ZMPSTE24: variants seen among roughly 807,000 people sequenced by gnomAD.
ZMPSTE24 encodes the protein CAAX prenyl protease 1 homolog.
In ZMPSTE24, 48 loss-of-function variants were observed where a neutral mutation model predicts 56.7. That is an observed-to-expected ratio of 0.85 (90% confidence interval 0.67 to 1.08). The LOEUF (loss-of-function observed/expected upper bound fraction) is 1.08. ZMPSTE24 is among the 50% of genes least tolerant of loss of function. The pLI is 0.00. For synonymous variants in ZMPSTE24, 172 were observed against 195.2 expected, an observed-to-expected ratio of 0.88 and a Z score of 0.99; for missense variants, 503 against 548.7, an observed-to-expected ratio of 0.92 and a Z score of 0.83.
At chr1:40,277,667 T>C (rs781575341) in intron 6 of ZMPSTE24, among the ~76,000 whole-genome samples, 4 of 152,096 alleles carry the variant, frequency 2.6e-5, no homozygotes, top group Non-Finnish European at 2.9e-5. Context: ...TTTAAATTAA[T>C]TAAAAAATTT....
chr1:40,284,029 G>A (rs535996213), intron 7 of ZMPSTE24, among the ~76,000 whole-genome samples: 23 of 148,276 alleles, frequency 1.6e-4, no homozygotes, highest in Admixed American at 2.0e-4. Flanking sequence ...ACCTCCTCCC[G>A]GGTTCAAGCA....
intron 2 of ZMPSTE24, among the ~76,000 whole-genome samples, chr1:40,261,202 G>T (rs1190310781): frequency 6.6e-6 from 1 of 152,140 alleles, no homozygotes; most frequent in Non-Finnish European, 1.5e-5. Context: ...AGCCAGGTAG[G>T]AAAAAGATCC....
chr1:40,268,304 T>C (rs1270374616), intron 3 of ZMPSTE24, 115 bp from the exon 4 acceptor site: 1 of 778,600 alleles, frequency 1.3e-6, no homozygotes, highest in Admixed American at 1.8e-5. Context: ...CCTTATGTTA[T>C]CCATAGAATC....
In ZMPSTE24 at chr1:40,292,881, G is replaced by T. The variant is rs1057515560; in HGVS notation, c.*212G>T. The T allele has an allele frequency of 2.1e-6, 1 of 470,128 alleles. No individual in the cohort carries two copies. Among genetic ancestry groups the T allele is most frequent in the Non-Finnish European group, 3.8e-6 (1 of 263,500 alleles). The allele number at this position is 470,128 out of a possible 1,614,324, so 29.1% of individuals were successfully genotyped here. A position where few individuals can be genotyped will look rare whatever the true frequency, so the allele number is the denominator to read the frequency against. ...ATTTTGAAGCTTAATGTTTTTAAAG[G>T]CATAGTTTTATCTTTGACATCTAAT... On this transcript the variant is annotated 3_prime_UTR_variant, in exon 10 of 10. Transcript: ENST00000372759.
At chr1:40,260,250 G>A (rs908488691) in intron 1 of ZMPSTE24, among the ~76,000 whole-genome samples, 1 of 151,514 alleles carries the variant, frequency 6.6e-6, no homozygotes, top group Non-Finnish European at 1.5e-5. Flanking sequence ...TTGTAGAGAC[G>A]GGATTTCACC....
chr1:40,281,198 G>A (rs1643725221), intron 6 of ZMPSTE24, 145 bp from the exon 7 acceptor site: 1 of 822,728 alleles, frequency 1.2e-6, no homozygotes, highest in South Asian at 1.6e-5. Flanking sequence ...TGCTGGTGGT[G>A]AATTATGTTG....
At chr1:40,265,740 T>C (rs140990228) in intron 2 of ZMPSTE24, among the ~76,000 whole-genome samples, 38 of 152,298 alleles carry the variant, frequency 2.5e-4, no homozygotes, top group Non-Finnish European at 4.7e-4. Flanking sequence ...TTTCAAACTT[T>C]AGTGTACATC....
At chr1:40,262,431 T>A (rs1643506235) in intron 2 of ZMPSTE24, among the ~76,000 whole-genome samples, 1 of 152,196 alleles carries the variant, frequency 6.6e-6, no homozygotes, top group Non-Finnish European at 1.5e-5. Context: ...TTAGTTAATT[T>A]ATCTGAGCAT....
At chr1:40,284,609 G>A (rs1469936209) in intron 7 of ZMPSTE24, among the ~76,000 whole-genome samples, 6 of 151,484 alleles carry the variant, frequency 4.0e-5, no homozygotes, top group Non-Finnish European at 7.4e-5. Context: ...AAAATTAGCC[G>A]GGTGTGGTGG....
At chr1:40,282,803 A>G (rs1243784799) in intron 7 of ZMPSTE24, among the ~76,000 whole-genome samples, 1 of 152,162 alleles carries the variant, frequency 6.6e-6, no homozygotes, top group African/African-American at 2.4e-5. Context: ...ACTAGGGGCC[A>G]TTTCCCCTAC....
At chr1:40,261,090 C>T in intron 2 of ZMPSTE24, 105 bp downstream of exon 2, 3 of 1,414,636 alleles carry the variant, frequency 2.1e-6, no homozygotes, top group Non-Finnish European at 3.0e-6. Flanking sequence ...AGAATGCTTT[C>T]TTAACCTTTG....
chr1:40,271,985 T>A lies in ZMPSTE24; in HGVS notation c.719T>A (p.Val240Glu). 6.2e-7 allele frequency: 1 copy of A among 1,613,356 alleles called. No individual in the cohort carries two copies. Among genetic ancestry groups the A allele is most frequent in the Non-Finnish European group, 8.5e-7 (1 of 1,179,532 alleles). Residue 240 changes from valine to glutamate, a missense_variant, in exon 6 of 10, where the codon GTA becomes GAA. Coordinates refer to ENST00000372759, the MANE Select transcript of ZMPSTE24 (RefSeq NM_005857.5). Reference protein sequence around the residue: ...PEGKLKEEIEVMAKSIDFPLT... With the variant: ...PEGKLKEEIEEMAKSIDFPLT... ...GGAAAGCTTAAAGAAGAAATTGAAG[T>A]AATGGCAAAGAGTATTGACTTTCCT... is the stretch of plus-strand genomic sequence containing the variant.
intron 6 of ZMPSTE24, 136 bp downstream of exon 6, chr1:40,272,171 G>C (rs1157944337): frequency 9.7e-7 from 1 of 1,033,092 alleles, no homozygotes; most frequent in Non-Finnish European, 1.3e-6. Context: ...AAGGCTAGGA[G>C]TTTACCTTTT....
chr1:40,286,578 C>T (rs1643788920), intron 8 of ZMPSTE24, among the ~76,000 whole-genome samples: 1 of 150,000 alleles, frequency 6.7e-6, no homozygotes, highest in African/African-American at 2.5e-5. Flanking sequence ...CCACCACCAT[C>T]CCTGGCTAAT....
chr1:40,268,634 G>A, intron 4 of ZMPSTE24, 99 bp downstream of exon 4: 5 of 835,498 alleles, frequency 6.0e-6, no homozygotes, highest in Non-Finnish European at 9.3e-6. Flanking sequence ...CTATTTCAGA[G>A]TATGAATTGA....
chr1:40,293,161 G>A lies in ZMPSTE24; in HGVS notation c.*492G>A. The A allele has an allele frequency of 6.4e-6, 1 of 156,302 alleles. No homozygotes were observed. The allele number at this position is 156,302 out of a possible 1,614,324, so 9.7% of individuals were successfully genotyped here. A position where few individuals can be genotyped will look rare whatever the true frequency, so the allele number is the denominator to read the frequency against. On this transcript the variant is annotated 3_prime_UTR_variant, in exon 10 of 10. Transcript: ENST00000372759. The stretch of plus-strand genomic sequence containing the variant: ...GTTTTAAATAAGAAAGGTAATAGTT[G>A]GTAAGGCCAATGTTATTTAAATGAA...
intron 6 of ZMPSTE24, among the ~76,000 whole-genome samples, chr1:40,275,265 CAAAAAAAAAAAAAAAA>C (rs869166476): frequency 2.6e-5 from 1 of 38,614 alleles, no homozygotes; most frequent in African/African-American, 9.5e-5. Context: ...ACTAAAAATA[CAAAAAAAAAAAAAAAA>C]AAAAAAGCCG....
intron 6 of ZMPSTE24, among the ~76,000 whole-genome samples, chr1:40,275,303 G>T (rs562516830): frequency 6.7e-6 from 1 of 148,574 alleles, no homozygotes; most frequent in African/African-American, 2.5e-5. Flanking sequence ...GCGTGGTGGC[G>T]GGCGCCTGTA....
intron 6 of ZMPSTE24, among the ~76,000 whole-genome samples, chr1:40,276,912 T>G (rs926993907): frequency 1.3e-5 from 2 of 152,206 alleles, no homozygotes; most frequent in African/African-American, 2.4e-5. Context: ...TGCTACAACA[T>G]TACGGTGGCT....
Sources: gnomAD v4.1 joint callset for allele counts (sites outside exome capture counted in the v4.1 genomes callset) on GRCh38, gnomAD v4.1.1 for gene constraint, MANE v1.5 for transcripts, NCBI Gene and HGNC (gene_info 2026-07-23, HGNC 2026-07-21) for gene names.